Variants in CACNA1I observed in about 807,000 individuals in gnomAD.
CACNA1I encodes the protein calcium voltage-gated channel subunit alpha1 I, also known as voltage-dependent T-type calcium channel subunit alpha-1I.
In CACNA1I, 74 loss-of-function variants were observed where a neutral mutation model predicts 201.6. That is an observed-to-expected ratio of 0.37 (90% CI 0.30 to 0.45). The LOEUF (loss-of-function observed/expected upper bound fraction) is 0.45. Among genes scored for constraint, CACNA1I ranks in the 20% least tolerant of loss-of-function variants. The probability of loss-of-function intolerance (pLI) is 1.00; values close to 1 mark genes in which losing one functional copy is unlikely to be tolerated. For missense variants in CACNA1I, 2,346 were observed against 3,138.1 expected (o/e 0.75, Z 6.03); for synonymous variants, 1,431 against 1,345.2 (o/e 1.06, Z -1.40).
In CACNA1I at chr22:39,666,042, C is replaced by A. The variant is rs1935183513; in HGVS notation, c.4104+36C>A. 2 of 1,598,400 alleles carry A rather than the reference C, an allele frequency of 1.3e-6. No homozygotes were observed. Among genetic ancestry groups the A allele is most frequent in the Non-Finnish European group, 1.7e-6 (2 of 1,171,320 alleles). ...CCGTCCTAGCCCTGATCAGACCCTC[C>A]CCTCTCTTGGATGCCAGTGGCTCTG... is the stretch of plus-strand genomic sequence containing the variant. On this transcript the variant is annotated intron_variant, in intron 23 of 36. Coordinates refer to ENST00000402142, the MANE Select transcript of CACNA1I (RefSeq NM_021096.4). This position sits in a 1 kb window ranked among gnomAD's most constrained non-coding sequence, Gnocchi z 4.1.
intron 1 of CACNA1I, chr22:39,587,664 A>G: frequency 2.4e-6 from 1 of 425,192 alleles, no homozygotes; most frequent in South Asian, 1.7e-5. Flanking sequence ...GGCAAGGCTA[A>G]GGAACAGAGA....
chr22:39,622,535 T>G (rs1046739307), intron 4 of CACNA1I, among the ~76,000 whole-genome samples: 18 of 127,966 alleles, frequency 1.4e-4, no homozygotes, highest in Admixed American at 7.0e-4. Context: ...CTGAGGGCAG[T>G]GGGAGCATAG....
intron 3 of CACNA1I, among the ~76,000 whole-genome samples, chr22:39,611,913 G>T (rs1469055285): frequency 6.6e-6 from 1 of 152,132 alleles, no homozygotes; most frequent in Non-Finnish European, 1.5e-5. Context: ...GGCCTGAGTT[G>T]GTTTCAGAGC....
chr22:39,665,475 G>T lies in CACNA1I; in HGVS notation c.3852-23G>T, dbSNP rs1278952450. ...CTGGCCTGGCCAAGGGATTATGTGTGCCTGGCCTCTCCCTGCCGTCAGTGT... is the reference window on the plus strand; with the variant it reads ...CTGGCCTGGCCAAGGGATTATGTGTTCCTGGCCTCTCCCTGCCGTCAGTGT... On this transcript the variant is annotated intron_variant, in intron 21 of 36. Transcript: ENST00000402142. The surrounding 1 kb of genome is among the most constrained non-coding windows in gnomAD (Gnocchi z 5.5). The T allele has an allele frequency of 6.2e-7, 1 of 1,612,784 alleles. No homozygotes were observed. Among genetic ancestry groups the T allele is most frequent in the East Asian group, 2.2e-5 (1 of 44,870 alleles).
At chr22:39,582,624 G>C (rs1705883176) in intron 1 of CACNA1I, among the ~76,000 whole-genome samples, 1 of 151,958 alleles carries the variant, frequency 6.6e-6, no homozygotes. Flanking sequence ...ATCCCTGAAG[G>C]AGGAGGAGGA....
rs1194899163 is a variant in CACNA1I, at chr22:39,609,928, T to C, written c.482+9275T>C. On this transcript the variant is annotated intron_variant, in intron 3 of 36. Transcript: ENST00000402142. ...CTGACTGGGCAGGGGCAGGGCTCTG[T>C]TGAGATCTCTAACGTCAATACCAAC... is the stretch of plus-strand genomic sequence containing the variant. 3.3e-5 allele frequency among the ~76,000 whole-genome samples: 5 copies of C among 152,178 alleles called. No individual in the cohort carries two copies. The East Asian group carries it at 9.6e-4, about 29-fold the overall frequency.
At chr22:39,602,203 C>T (rs1035772589) in intron 3 of CACNA1I, among the ~76,000 whole-genome samples, 1 of 149,554 alleles carries the variant, frequency 6.7e-6, no homozygotes, top group African/African-American at 2.5e-5. Context: ...TCCTGAGTAG[C>T]TGGGACTGCA....
chr22:39,603,379 T>C (rs1419228143), intron 3 of CACNA1I, among the ~76,000 whole-genome samples: 2 of 152,244 alleles, frequency 1.3e-5, no homozygotes, highest in Admixed American at 1.3e-4. Context: ...AGTGGGCTTT[T>C]CAGCAATGTC....
At chr22:39,652,279 A>T (rs1303181854) in intron 10 of CACNA1I, among the ~76,000 whole-genome samples, 1 of 152,128 alleles carries the variant, frequency 6.6e-6, no homozygotes, top group African/African-American at 2.4e-5. Flanking sequence ...TACAGGCATG[A>T]GCCACCGTGC....
chr22:39,684,250 GC>G lies in CACNA1I; in HGVS notation c.5831-47del. The stretch of plus-strand genomic sequence containing the variant: ...TGCTCAATGCCACCTTCCAGGGGCT[GC>G]CCCCTGGCCTGAGCGTGCTCCCTCA... On this transcript the variant is annotated intron_variant, in intron 35 of 36. Transcript: ENST00000402142. The surrounding 1 kb of genome is among the most constrained non-coding windows in gnomAD (Gnocchi z 4.6). The G allele has an allele frequency of 1.3e-6, 2 of 1,527,212 alleles. No individual in the cohort carries two copies. The highest frequency in any genetic ancestry group is 9.0e-7 in the Non-Finnish European group (1 of 1,109,754). The allele number at this position is 1,527,212 out of a possible 1,614,324, so 94.6% of individuals were successfully genotyped here.
intron 1 of CACNA1I, among the ~76,000 whole-genome samples, chr22:39,586,444 A>G (rs1177583378): frequency 1.3e-5 from 2 of 152,200 alleles, no homozygotes; most frequent in Non-Finnish European, 2.9e-5. Flanking sequence ...GTGAGCCAAG[A>G]TAGTGCTACT....
intron 4 of CACNA1I, among the ~76,000 whole-genome samples, chr22:39,625,601 G>C (rs1263449035): frequency 2.6e-5 from 4 of 152,186 alleles, no homozygotes; most frequent in African/African-American, 9.7e-5. Context: ...TTACAGAATC[G>C]TATAAAATAC....
At position 39,686,533 on chromosome 22, in the gene CACNA1I, C is replaced by A; in HGVS notation, c.*128C>A. On this transcript the variant is annotated 3_prime_UTR_variant, in exon 37 of 37. Coordinates refer to ENST00000402142, the MANE Select transcript of CACNA1I (RefSeq NM_021096.4). ...GCAGGGCCCGCAGGGCACAGGCGCCCGACAGCCGGGCTGAGCGGAGTCTGG... is the reference window on the plus strand; with the variant it reads ...GCAGGGCCCGCAGGGCACAGGCGCCAGACAGCCGGGCTGAGCGGAGTCTGG... 2 of 703,448 alleles carry A rather than the reference C, an allele frequency of 2.8e-6. No individual in the cohort carries two copies. Among genetic ancestry groups the A allele is most frequent in the South Asian group, 7.1e-5 (1 of 14,160 alleles). The allele number at this position is 703,448 out of a possible 1,614,324, so 43.6% of individuals were successfully genotyped here.
intron 3 of CACNA1I, 35 bp downstream of exon 3, chr22:39,600,688 G>T: frequency 3.2e-6 from 5 of 1,559,246 alleles, no homozygotes; most frequent in Non-Finnish European, 4.3e-6. Flanking sequence ...CCTAGCCTCT[G>T]GTGCACACCA....
At position 39,682,653 on chromosome 22, in the gene CACNA1I, G is replaced by A. The variant is rs1248493743; in HGVS notation, c.5822G>A (p.Ser1941Asn). ...NPVRSWLKHDSSQAPPSPFSP... is the reference protein window; with the variant it reads ...NPVRSWLKHDNSQAPPSPFSP... ...GTCCGGTCCTGGCTGAAACATGACA[G>A]CAGTCAAGGTGAGGGGTGGGAGCCC... Residue 1941 changes from serine (S) to asparagine (N), a missense_variant, in exon 35 of 37, where the codon AGC becomes AAC. Coordinates refer to ENST00000402142, the MANE Select transcript of CACNA1I (RefSeq NM_021096.4). 1 of 1,612,452 alleles carries A rather than the reference G, an allele frequency of 6.2e-7. No individual in the cohort carries two copies. The highest frequency in any genetic ancestry group is 1.1e-5 in the South Asian group (1 of 90,922).
At position 39,570,860 on chromosome 22, in the gene CACNA1I, A is replaced by G. The variant is rs1932158594; in HGVS notation, c.108A>G (p.Pro36=). The change falls in exon 1 of 37, where the codon CCA becomes CCG. Residue 36 remains proline, a synonymous_variant. Coordinates refer to ENST00000402142, the MANE Select transcript of CACNA1I (RefSeq NM_021096.4). ...PGPRSPPSSP[P]GLEEPLDGAD... ...CCCGGAGCCCCCCATCCTCCCCGCC[A>G]GGCCTGGAGGAGCCTCTGGATGGAG... is the stretch of plus-strand genomic sequence containing the variant. The G allele has an allele frequency of 1.2e-6, 2 of 1,613,374 alleles. No individual in the cohort carries two copies. The highest frequency in any genetic ancestry group is 4.5e-5 in the East Asian group (2 of 44,880).
At chr22:39,574,504 C>A (rs1330992777) in intron 1 of CACNA1I, among the ~76,000 whole-genome samples, 8 of 152,054 alleles carry the variant, frequency 5.3e-5, no homozygotes, top group African/African-American at 1.9e-4. Flanking sequence ...GGGGCAGGGG[C>A]TGAAGCCTCT....
At chr22:39,576,835 C>T (rs1180475518) in intron 1 of CACNA1I, among the ~76,000 whole-genome samples, 1 of 152,226 alleles carries the variant, frequency 6.6e-6, no homozygotes, top group Non-Finnish European at 1.5e-5. Context: ...CCTTCGTGTT[C>T]CTGGTTCTCT....
chr22:39,618,271 G>A (rs1420551468), intron 3 of CACNA1I, among the ~76,000 whole-genome samples: 1 of 26,526 alleles, frequency 3.8e-5, no homozygotes, highest in African/African-American at 1.5e-4. Flanking sequence ...GTGTGCAAGT[G>A]TGTGACTGTG....
Sources: allele counts gnomAD v4.1 joint callset (sites outside exome capture counted in the v4.1 genomes callset), GRCh38; gene constraint gnomAD v4.1.1; non-coding constraint Gnocchi (gnomAD v3.1); transcripts MANE v1.5; gene names NCBI Gene and HGNC (gene_info 2026-07-23, HGNC 2026-07-21).